The following ZNF628 variants were observed in gnomAD, a reference collection of about 807,000 sequenced individuals.
The protein encoded by ZNF628 is zinc finger protein 628.
A neutral mutation model predicts 2.5 loss-of-function variants in ZNF628; 3 were observed. The observed-to-expected ratio is 1.19, with a 90% CI of 0.54 to 3.07. The LOEUF (loss-of-function observed/expected upper bound fraction) is 3.07. ZNF628 is among the 30% of genes most tolerant of loss of function. The pLI is 0.03. For missense variants in ZNF628, 1,610 were observed against 1,517.1 expected (o/e 1.06, Z -1.02); for synonymous variants, 861 against 717.1 (o/e 1.20, Z -3.21).
In ZNF628 at chr19:55,482,051, G is replaced by T; in HGVS notation, c.858G>T (p.Ala286=). 1 of 1,488,564 alleles carries T rather than the reference G, an allele frequency of 6.7e-7. No individual in the cohort carries two copies. Among genetic ancestry groups the T allele is most frequent in the Non-Finnish European group, 8.9e-7 (1 of 1,121,526 alleles). 92.2% of individuals were successfully genotyped at this position (1,488,564 alleles called of 1,614,324 possible). A position where few individuals can be genotyped will look rare whatever the true frequency, so the allele number is the denominator to read the frequency against. Residue 286 remains alanine (A), a synonymous_variant, in exon 3 of 3, where the codon GCG becomes GCT. Transcript: ENST00000598519. ...PPVVPELFLA[A]AETTVELVYR... ...TGGTGCCTGAGCTCTTTTTGGCGGC[G>T]GCGGAGACCACGGTGGAGCTGGTGT... is the stretch of plus-strand genomic sequence containing the variant.
In ZNF628 at chr19:55,481,211, C is replaced by A. The variant is rs932291152; in HGVS notation, c.18C>A (p.Val6=). The change falls in exon 3 of 3, where the codon GTC becomes GTA. Residue 6 remains valine, a synonymous_variant. Coordinates refer to ENST00000598519, the MANE Select transcript of ZNF628 (RefSeq NM_033113.3). ...GAATCCCTCCCCCAGGTGTGATGGTCGGCTCCCACGCGGACATGGCGCCGG... is the reference window on the plus strand; with the variant it reads ...GAATCCCTCCCCCAGGTGTGATGGTAGGCTCCCACGCGGACATGGCGCCGG... MSGVM[V]GSHADMAPAS... is the part of the protein sequence containing the mutation. 1.9e-6 allele frequency: 3 copies of A among 1,545,094 alleles called. No homozygotes were observed. Among genetic ancestry groups the A allele is most frequent in the African/African-American group, 2.7e-5 (2 of 72,956 alleles).
At position 55,479,441 on chromosome 19, in the gene ZNF628, G is replaced by A. The variant is rs911763658; in HGVS notation, c.-77-393G>A. ...AGAGCTTTTTGGTTTTTAAAGATGG[G>A]AGACATAGATTGTTGGTTCTGCAGA... On this transcript the variant is annotated intron_variant, in intron 1 of 2. Transcript: ENST00000598519. This position sits in a 1 kb window ranked among gnomAD's most constrained non-coding sequence, Gnocchi z 5.1. 2.0e-5 allele frequency among the ~76,000 whole-genome samples: 3 copies of A among 152,184 alleles called. No homozygotes were observed. The highest frequency in any genetic ancestry group is 7.2e-5 in the African/African-American group (3 of 41,444).
rs2123412724 is a variant in ZNF628, at chr19:55,482,355, T to C, written c.1162T>C (p.Cys388Arg). 7 of 1,441,716 alleles carry C rather than the reference T, an allele frequency of 4.9e-6. No homozygotes were observed. Among genetic ancestry groups the C allele is most frequent in the Non-Finnish European group, 5.4e-6 (6 of 1,101,906 alleles). 89.3% of individuals were successfully genotyped at this position (1,441,716 alleles called of 1,614,324 possible). A position where few individuals can be genotyped will look rare whatever the true frequency, so the allele number is the denominator to read the frequency against. The change falls in exon 3 of 3, where the codon TGC becomes CGC. Residue 388 changes from cysteine to arginine, a missense_variant. This residue lies in a region of ZNF628 where 651 missense variants were observed against 575.6 expected (regional missense o/e 1.13). Coordinates refer to ENST00000598519, the MANE Select transcript of ZNF628 (RefSeq NM_033113.3). The part of the protein sequence containing the change: ...HGAAGGQAFR[C>R]GSCDGSFPQL... ...GGCTGCCGGCGGGCAAGCGTTCCGC[T>C]GCGGCAGCTGCGACGGCTCCTTCCC...
chr19:55,481,143 T>G, intron 2 of ZNF628, 58 bp from the exon 3 acceptor site: 1 of 1,454,666 alleles, frequency 6.9e-7, no homozygotes, highest in East Asian at 2.5e-5. Context: ...GTGTGTGGGT[T>G]TGGGGTTGAG....
At position 55,481,903 on chromosome 19, in the gene ZNF628, C is replaced by T. The variant is rs111488188; in HGVS notation, c.710C>T (p.Ala237Val). Residue 237 changes from alanine to valine, a missense_variant, in exon 3 of 3, where the codon GCG (alanine) becomes GTG (valine). Physicochemically the swap from Ala to Val is moderately conservative, Grantham distance 64. Coordinates refer to ENST00000598519, the MANE Select transcript of ZNF628 (RefSeq NM_033113.3). The stretch of plus-strand genomic sequence containing the variant: ...GCCCCCGCCCCGGGTACCGCCTCCG[C>T]GGCCCCGCCCCCCCAGTCCCGGGAG... ...GAAPAPGTAS[A>V]APPPQSREPG... 3 of 1,483,196 alleles carry T rather than the reference C, an allele frequency of 2.0e-6. No individual in the cohort carries two copies. Among genetic ancestry groups the T allele is most frequent in the Non-Finnish European group, 2.7e-6 (3 of 1,121,376 alleles). The allele number at this position is 1,483,196 out of a possible 1,614,324, so 91.9% of individuals were successfully genotyped here. A position where few individuals can be genotyped will look rare whatever the true frequency, so the allele number is the denominator to read the frequency against.
In ZNF628 at chr19:55,482,499, G is replaced by A. The variant is rs768693530; in HGVS notation, c.1306G>A (p.Ala436Thr). Reference protein sequence around the residue: ...VTCPQEPLAPAAPVPPPPPSA... With the variant: ...VTCPQEPLAPTAPVPPPPPSA... ...CTGCCCCCAGGAACCGCTGGCGCCT[G>A]CCGCCCCCGTCCCGCCGCCACCCCC... The change falls in exon 3 of 3, where the codon GCC (alanine) becomes ACC (threonine). Residue 436 changes from alanine to threonine, a missense_variant. Ala to Thr is a moderately conservative substitution (Grantham distance 58, BLOSUM62 0). This residue lies in a region of ZNF628 where 651 missense variants were observed against 575.6 expected (regional missense o/e 1.13). Transcript: ENST00000598519. 3 of 1,448,292 alleles carry A rather than the reference G, an allele frequency of 2.1e-6. No homozygotes were observed. Among genetic ancestry groups the A allele is most frequent in the Non-Finnish European group, 1.8e-6 (2 of 1,103,920 alleles). 89.7% of individuals were successfully genotyped at this position (1,448,292 alleles called of 1,614,324 possible).
rs1986641151 is a variant in ZNF628, at chr19:55,479,274, A to G, written c.-77-560A>G. Among the ~76,000 whole-genome samples, 2 of 152,170 alleles carry G rather than the reference A, an allele frequency of 1.3e-5. No homozygotes were observed. The highest frequency in any genetic ancestry group is 3.9e-4 in the East Asian group (2 of 5,174). On this transcript the variant is annotated intron_variant, in intron 1 of 2. Coordinates refer to ENST00000598519, the MANE Select transcript of ZNF628 (RefSeq NM_033113.3). This position sits in a 1 kb window ranked among gnomAD's most constrained non-coding sequence, Gnocchi z 5.1. ...AGTGACAAGTGGGCCATTGCGGGCC[A>G]CGCGCCGCCCAGGCCATGGAGTGGG...
rs201579301 is a variant in ZNF628 at position 55,483,826 on chromosome 19, G to C, written c.2633G>C (p.Ser878Thr). The C allele has an allele frequency of 6.2e-7, 1 of 1,613,446 alleles. No individual in the cohort carries two copies. The highest frequency in any genetic ancestry group is 1.3e-5 in the African/African-American group (1 of 74,914). The change falls in exon 3 of 3, where the codon AGT becomes ACT. Residue 878 changes from serine to threonine, a missense_variant. Coordinates refer to ENST00000598519, the MANE Select transcript of ZNF628 (RefSeq NM_033113.3). ...QPVAGQLSNSSGGAVATEAPN... is the reference protein window; with the variant it reads ...QPVAGQLSNSTGGAVATEAPN... ...GTGGCCGGCCAGCTCTCCAATTCCA[G>C]TGGGGGAGCTGTGGCTACTGAGGCA...
In ZNF628 at chr19:55,479,209, G is replaced by A. The variant is rs993233454; in HGVS notation, c.-77-625G>A. Among the ~76,000 whole-genome samples the A allele has an allele frequency of 1.3e-5, 2 of 152,252 alleles. No homozygotes were observed. Among genetic ancestry groups the A allele is most frequent in the Admixed American group, 6.5e-5 (1 of 15,298 alleles). On this transcript the variant is annotated intron_variant, in intron 1 of 2. Coordinates refer to ENST00000598519, the MANE Select transcript of ZNF628 (RefSeq NM_033113.3). This position sits in a 1 kb window ranked among gnomAD's most constrained non-coding sequence, Gnocchi z 5.1. ...AGGTGACGGAGGGCAGTGAGGGAGC[G>A]AGGTATCCCGGAGGCCAGGGGGAGG...
In ZNF628 at chr19:55,476,710, C is replaced by T. The variant is rs1403691190; in HGVS notation, c.-175C>T. ...CGCCCCTGCCCCCCCTCCCCGGTCCCCACAGCTGCACCGCCGCTGCCGGGG... is the reference window on the plus strand; with the variant it reads ...CGCCCCTGCCCCCCCTCCCCGGTCCTCACAGCTGCACCGCCGCTGCCGGGG... On this transcript the variant is annotated 5_prime_UTR_variant, in exon 1 of 3. Transcript: ENST00000598519. The T allele has an allele frequency of 6.6e-6, 1 of 152,032 alleles. No individual in the cohort carries two copies. Among genetic ancestry groups the T allele is most frequent in the Non-Finnish European group, 1.5e-5 (1 of 67,970 alleles). 9.4% of individuals were successfully genotyped at this position (152,032 alleles called of 1,614,324 possible).
Position 55,482,683 on chromosome 19 carries a change from T to A in ZNF628, c.1490T>A (p.Leu497Gln), listed in dbSNP as rs1447022890. The part of the protein sequence containing the change: ...CGKAFKRSSL[L>Q]AIHQRVHTGL... ...AAGGCCTTCAAGCGCTCCTCCCTGC[T>A]GGCCATCCACCAGCGGGTGCACACG... Residue 497 changes from leucine to glutamine, a missense_variant, in exon 3 of 3, where the codon CTG becomes CAG. Around this residue, in one of 5 missense-constraint regions of ZNF628, gnomAD observed 651 missense variants for 575.6 expected, o/e 1.13. Coordinates refer to ENST00000598519, the MANE Select transcript of ZNF628 (RefSeq NM_033113.3). 1 of 1,612,502 alleles carries A rather than the reference T, an allele frequency of 6.2e-7. No individual in the cohort carries two copies. The highest frequency in any genetic ancestry group is 1.3e-5 in the African/African-American group (1 of 74,852).
rs1202855498 is a variant in ZNF628 at position 55,479,730 on chromosome 19, G to C, written c.-77-104G>C. On this transcript the variant is annotated intron_variant, in intron 1 of 2. Transcript: ENST00000598519. This position sits in a 1 kb window ranked among gnomAD's most constrained non-coding sequence, Gnocchi z 5.1. ...AACCCCAAATGCCTCCAGGCATTGC[G>C]GGATGTCCCCTGGGTTGAAGGCACA... 2.6e-6 allele frequency: 1 copy of C among 389,190 alleles called. No homozygotes were observed. The highest frequency in any genetic ancestry group is 4.5e-6 in the Non-Finnish European group (1 of 220,392). The allele number at this position is 389,190 out of a possible 1,614,324, so 24.1% of individuals were successfully genotyped here. A position where few individuals can be genotyped will look rare whatever the true frequency, so the allele number is the denominator to read the frequency against.
In ZNF628 at chr19:55,483,336, G is replaced by GT; in HGVS notation, c.2144dup (p.Gln716AlafsTer170). 2 of 1,538,838 alleles carry GT rather than the reference G, an allele frequency of 1.3e-6. No homozygotes were observed. Among genetic ancestry groups the GT allele is most frequent in the Non-Finnish European group, 1.7e-6 (2 of 1,144,732 alleles). On this transcript the variant is annotated frameshift_variant, in exon 3 of 3. Transcript: ENST00000598519. LOFTEE classifies it low-confidence loss of function (END_TRUNC). The stretch of plus-strand genomic sequence containing the variant: ...GCCCAACTCTCAGACGTTCCTCCTG[G>GT]TGCAAACTGCCCAGGGCCTCCAGCT...
chr19:55,482,508 G>GCCCCCCCCC lies in ZNF628; in HGVS notation c.1315_1316insCCCCCCCCC (p.Val439delinsAlaProProLeu). On this transcript the variant is annotated protein_altering_variant, in exon 3 of 3. Transcript: ENST00000598519. ...GGAACCGCTGGCGCCTGCCGCCCCC[G>GCCCCCCCCC]TCCCGCCGCCACCCCCGTCCGCCCC... The GCCCCCCCCC allele has an allele frequency of 7.7e-6, 10 of 1,296,384 alleles. No individual in the cohort carries two copies. Among genetic ancestry groups the GCCCCCCCCC allele is most frequent in the Non-Finnish European group, 1.0e-5 (10 of 971,458 alleles). The allele number at this position is 1,296,384 out of a possible 1,614,324, so 80.3% of individuals were successfully genotyped here. A position where few individuals can be genotyped will look rare whatever the true frequency, so the allele number is the denominator to read the frequency against.
At position 55,482,508 on chromosome 19, in the gene ZNF628, G is replaced by GCCCCCC; in HGVS notation, c.1315_1316insCCCCCC (p.Val439delinsAlaProLeu). The GCCCCCC allele has an allele frequency of 3.1e-6, 4 of 1,296,370 alleles. No individual in the cohort carries two copies. Among genetic ancestry groups the GCCCCCC allele is most frequent in the Non-Finnish European group, 4.1e-6 (4 of 971,442 alleles). The allele number at this position is 1,296,370 out of a possible 1,614,324, so 80.3% of individuals were successfully genotyped here. ...GGAACCGCTGGCGCCTGCCGCCCCC[G>GCCCCCC]TCCCGCCGCCACCCCCGTCCGCCCC... is the stretch of plus-strand genomic sequence containing the variant. On this transcript the variant is annotated protein_altering_variant, in exon 3 of 3. Transcript: ENST00000598519.
rs747118126 is a variant in ZNF628, at chr19:55,481,817, C to T, written c.624C>T (p.Leu208=). The stretch of plus-strand genomic sequence containing the variant: ...GCGAGCGGCCCTTCCGCTGCCCGCT[C>T]TGCCCCAAGACCTTCACCCACTCCT... ...HTGERPFRCP[L]CPKTFTHSSN... Residue 208 remains leucine, a synonymous_variant, in exon 3 of 3, where the codon CTC becomes CTT. Coordinates refer to ENST00000598519, the MANE Select transcript of ZNF628 (RefSeq NM_033113.3). 1.9e-6 allele frequency: 3 copies of T among 1,599,410 alleles called. No individual in the cohort carries two copies. In the South Asian group the frequency reaches 3.3e-5, roughly 18 times the overall value.
Position 55,483,305 on chromosome 19 carries a change from AG to A in ZNF628, c.2113del (p.Ala705GlnfsTer19). Reference sequence around the variant, plus strand: ...CGGCCCAGGCCCCGAGCTTGGGGCCAGCAGCGCCCAACTCTCAGACGTTCCT... The same window carrying A: ...CGGCCCAGGCCCCGAGCTTGGGGCCACAGCGCCCAACTCTCAGACGTTCCT... ...GTAQAPSLGP[A>X]APNSQTFLLV... On this transcript the variant is annotated frameshift_variant, in exon 3 of 3. Transcript: ENST00000598519. LOFTEE classifies it low-confidence loss of function (END_TRUNC). 1 of 1,524,102 alleles carries A rather than the reference AG, an allele frequency of 6.6e-7. No homozygotes were observed. Among genetic ancestry groups the A allele is most frequent in the Non-Finnish European group, 8.8e-7 (1 of 1,139,188 alleles). The allele number at this position is 1,524,102 out of a possible 1,614,324, so 94.4% of individuals were successfully genotyped here. A position where few individuals can be genotyped will look rare whatever the true frequency, so the allele number is the denominator to read the frequency against.
chr19:55,482,538 T>A lies in ZNF628; in HGVS notation c.1345T>A (p.Ser449Thr), dbSNP rs1277134606. ...VPPPPPSAPA[S>T]AERPYKCAEC... The stretch of plus-strand genomic sequence containing the variant: ...GCCGCCACCCCCGTCCGCCCCCGCT[T>A]CTGCGGAGCGGCCCTACAAATGTGC... Residue 449 changes from serine to threonine, a missense_variant, in exon 3 of 3, where the codon TCT becomes ACT. Coordinates refer to ENST00000598519, the MANE Select transcript of ZNF628 (RefSeq NM_033113.3). 6.4e-7 allele frequency: 1 copy of A among 1,554,486 alleles called. No homozygotes were observed. The highest frequency in any genetic ancestry group is 8.6e-7 in the Non-Finnish European group (1 of 1,156,888).
rs1208445824 is a variant in ZNF628, at chr19:55,483,855, A to G, written c.2662A>G (p.Asn888Asp). 6.2e-7 allele frequency: 1 copy of G among 1,612,382 alleles called. No individual in the cohort carries two copies. Among genetic ancestry groups the G allele is most frequent in the Non-Finnish European group, 8.5e-7 (1 of 1,179,296 alleles). The change falls in exon 3 of 3, where the codon AAC becomes GAC. Residue 888 changes from asparagine to aspartate, a missense_variant. By Grantham distance (23) the Asn-to-Asp change is conservative (BLOSUM62 1). Around this residue, in one of 5 missense-constraint regions of ZNF628, gnomAD observed 712 missense variants for 603.6 expected, o/e 1.18. Coordinates refer to ENST00000598519, the MANE Select transcript of ZNF628 (RefSeq NM_033113.3). ...GGGAGCTGTGGCTACTGAGGCACCC[A>G]ACCTGCTGGTTGTTCAGAGCGGGGC... ...SGGAVATEAP[N>D]LLVVQSGAAE...
Sources: gnomAD v4.1 joint callset for allele counts (sites outside exome capture counted in the v4.1 genomes callset) on GRCh38, gnomAD v4.1.1 for gene constraint, gnomAD v4.1.1 regional missense constraint, Gnocchi (gnomAD v3.1) non-coding constraint, MANE v1.5 for transcripts, NCBI Gene and HGNC (gene_info 2026-07-23, HGNC 2026-07-21) for gene names.